Variants in ALDOA observed in about 807,000 individuals in gnomAD.
ALDOA encodes the protein fructose-bisphosphate aldolase A.
In ALDOA, 26 loss-of-function variants were observed where a neutral mutation model predicts 43.9. The ratio of observed to expected loss-of-function variants is 0.59; its 90% confidence interval spans 0.43 to 0.82. ALDOA has a LOEUF of 0.82. ALDOA is among the 40% of genes least tolerant of loss of function. ALDOA has a pLI of 0.00. For missense variants in ALDOA, 498 were observed against 549.5 expected (o/e 0.91, Z 0.94); for synonymous variants, 258 against 222.6 (o/e 1.16, Z -1.42).
At position 30,069,810 on chromosome 16, in the gene ALDOA, G is replaced by T. The variant is rs189723657; in HGVS notation, c.962-20G>T. On this transcript the variant is annotated intron_variant, in intron 8 of 9. Coordinates refer to ENST00000642816, the MANE Select transcript of ALDOA (RefSeq NM_001243177.4). ...TGGGTCTCTGACCACAGCCCCTCTC[G>T]CCTCACCCCTGCTCTACAGGGATCA... 10 of 1,613,918 alleles carry T rather than the reference G, an allele frequency of 6.2e-6. No individual in the cohort carries two copies. Among genetic ancestry groups the T allele is most frequent in the Middle Eastern group, 1.6e-4 (1 of 6,062 alleles).
chr16:30,069,841 C>G lies in ALDOA; in HGVS notation c.973C>G (p.Leu325Val), dbSNP rs111252736. 1 of 1,614,020 alleles carries G rather than the reference C, an allele frequency of 6.2e-7. No homozygotes were observed. Among genetic ancestry groups the G allele is most frequent in the Admixed American group, 1.7e-5 (1 of 59,996 alleles). Residue 325 changes from leucine to valine, a missense_variant, in exon 9 of 10, where the codon CTG (leucine) becomes GTG (valine). Transcript: ENST00000642816. ...CCCCTGCTCTACAGGGATCACCTTC[C>G]TGTCTGGAGGCCAGAGTGAGGAGGA... ...VPPAVTGITF[L>V]SGGQSEEEAS...
chr16:30,067,007 G>A lies in ALDOA; in HGVS notation c.110G>A (p.Gly37Asp). 1 of 1,569,216 alleles carries A rather than the reference G, an allele frequency of 6.4e-7. No homozygotes were observed. Among genetic ancestry groups the A allele is most frequent in the South Asian group, 1.2e-5 (1 of 85,346 alleles). ...VASGQLHPQL[G>D]NTQHQTELGK... ...AGTGGGCAACTCCACCCTCAGCTGGGCAACACCCAGCACCAGACAGAGTTA... is the reference window on the plus strand; with the variant it reads ...AGTGGGCAACTCCACCCTCAGCTGGACAACACCCAGCACCAGACAGAGTTA... Residue 37 changes from glycine to aspartate, a missense_variant, in exon 2 of 10, where the codon GGC (glycine) becomes GAC (aspartate). Physicochemically the swap from Gly to Asp is moderately conservative, Grantham distance 94. Transcript: ENST00000642816.
Position 30,069,593 on chromosome 16 carries a change from G to T in ALDOA, c.881G>T (p.Cys294Phe). The T allele has an allele frequency of 6.2e-7, 1 of 1,614,110 alleles. No individual in the cohort carries two copies. Among genetic ancestry groups the T allele is most frequent in the Non-Finnish European group, 8.5e-7 (1 of 1,180,040 alleles). Residue 294 changes from cysteine to phenylalanine, a missense_variant, in exon 8 of 10, where the codon TGC becomes TTC. By Grantham distance (205) the Cys-to-Phe change is radical. Coordinates refer to ENST00000642816, the MANE Select transcript of ALDOA (RefSeq NM_001243177.4). ...KPNMVTPGHA[C>F]TQKFSHEEIA... The stretch of plus-strand genomic sequence containing the variant: ...AACATGGTCACCCCAGGCCATGCTT[G>T]CACTCAGAAGTTTTCTCATGAGGAG...
rs1803085 is a variant in ALDOA, at chr16:30,070,299, G to T, written c.*87G>T. 6 of 1,372,454 alleles carry T rather than the reference G, an allele frequency of 4.4e-6. No individual in the cohort carries two copies. The highest frequency in any genetic ancestry group is 6.2e-6 in the Non-Finnish European group (6 of 965,108). The allele number at this position is 1,372,454 out of a possible 1,614,324, so 85.0% of individuals were successfully genotyped here. A position where few individuals can be genotyped will look rare whatever the true frequency, so the allele number is the denominator to read the frequency against. On this transcript the variant is annotated 3_prime_UTR_variant, in exon 10 of 10. Coordinates refer to ENST00000642816, the MANE Select transcript of ALDOA (RefSeq NM_001243177.4). ...GGAGGCCGCCTCCTCGGGGCTCCAGGCTGGCTTGCCCGCGCTCTTTCTTCC... is the reference window on the plus strand; with the variant it reads ...GGAGGCCGCCTCCTCGGGGCTCCAGTCTGGCTTGCCCGCGCTCTTTCTTCC...
chr16:30,066,514 ACCGCTTT>A (rs1317494059), intron 1 of ALDOA, among the ~76,000 whole-genome samples: 1 of 152,198 alleles, frequency 6.6e-6, no homozygotes, highest in Non-Finnish European at 1.5e-5. Flanking sequence ...GGCAAAGCTT[ACCGCTTT>A]CCTCGCCTCG....
At position 30,068,679 on chromosome 16, in the gene ALDOA, A is replaced by G. The variant is rs775705038; in HGVS notation, c.520A>G (p.Asn174Asp). Residue 174 changes from asparagine (N) to aspartate (D), a missense_variant, in exon 5 of 10, where the codon AAT (asparagine) becomes GAT (aspartate). Physicochemically the swap from Asn to Asp is conservative, Grantham distance 23 (BLOSUM62 1). Transcript: ENST00000642816. ...DKGVVPLAGT[N>D]GETTTQGLDG... ...GGGCGTGGTCCCCCTGGCAGGGACA[A>G]ATGGCGAGACTACCACCCAAGGTGA... 26 of 1,614,206 alleles carry G rather than the reference A, an allele frequency of 1.6e-5. No homozygotes were observed. Among genetic ancestry groups the G allele is most frequent in the Middle Eastern group, 1.6e-4 (1 of 6,062 alleles).
chr16:30,064,714 T>TAACC, upstream of ALDOA: 1 of 344,972 alleles, frequency 2.9e-6, no homozygotes, highest in Non-Finnish European at 5.2e-6. Flanking sequence ...AGCTGCCTTA[T>TAACC]AACCAGCCCG....
chr16:30,068,569 C>T, intron 4 of ALDOA, 77 bp from the exon 5 acceptor site: 4 of 1,518,464 alleles, frequency 2.6e-6, no homozygotes, highest in Non-Finnish European at 2.7e-6. Context: ...CACCACTGTA[C>T]TCCAGCCGGG....
intron 4 of ALDOA, 155 bp downstream of exon 4, chr16:30,067,816 C>T: frequency 1.2e-6 from 1 of 823,130 alleles, no homozygotes; most frequent in South Asian, 1.5e-5. Flanking sequence ...TTTTAATCCT[C>T]ACAATTCTGA....
chr16:30,066,525 C>T (rs2072111023), intron 1 of ALDOA, among the ~76,000 whole-genome samples: 2 of 152,228 alleles, frequency 1.3e-5, no homozygotes, highest in African/African-American at 2.4e-5. Flanking sequence ...CCGCTTTCCT[C>T]GCCTCGGGCT....
chr16:30,064,714 T>TA, upstream of ALDOA: 1 of 344,972 alleles, frequency 2.9e-6, no homozygotes, highest in Non-Finnish European at 5.2e-6. Context: ...AGCTGCCTTA[T>TA]AACCAGCCCG....
intron 7 of ALDOA, 48 bp downstream of exon 7, chr16:30,069,437 C>G (rs1254990426): frequency 6.2e-7 from 1 of 1,613,964 alleles, no homozygotes. Context: ...GCCGGGGACC[C>G]TGGGGCTAAC....
chr16:30,068,540 C>A (rs751349176), intron 4 of ALDOA, 106 bp from the exon 5 acceptor site: 11 of 1,294,788 alleles, frequency 8.5e-6, no homozygotes, highest in Non-Finnish European at 1.0e-5. Context: ...GAAGTGGAGG[C>A]TTCAGTGAGC....
At chr16:30,065,509 G>C (rs1329736134), upstream of ALDOA, among the ~76,000 whole-genome samples, 1 of 152,204 alleles carries the variant, frequency 6.6e-6, no homozygotes, top group Non-Finnish European at 1.5e-5. Flanking sequence ...CGCCAGGCTG[G>C]GGGAAAGGAG....
In ALDOA at chr16:30,069,294, C is replaced by T. The variant is rs745528292; in HGVS notation, c.703-12C>T. On this transcript the variant is annotated splice_polypyrimidine_tract_variant and intron_variant, in intron 6 of 9. Coordinates refer to ENST00000642816, the MANE Select transcript of ALDOA (RefSeq NM_001243177.4). The stretch of plus-strand genomic sequence containing the variant: ...AGGAGGCCTCACAGTGACCCTGTCC[C>T]TCGCCCTGCAGAATGGCATTGTGCC... 125 of 1,613,994 alleles carry T rather than the reference C, an allele frequency of 7.7e-5. No homozygotes were observed. The highest frequency in any genetic ancestry group is 1.0e-4 in the Non-Finnish European group (121 of 1,179,996).
upstream of ALDOA, among the ~76,000 whole-genome samples, chr16:30,065,458 C>G (rs934083779): frequency 2.0e-5 from 3 of 152,360 alleles, no homozygotes; most frequent in South Asian, 6.2e-4. Flanking sequence ...CCGCCCTCCC[C>G]CATTGCCAAC....
At position 30,067,317 on chromosome 16, in the gene ALDOA, C is replaced by T. The variant is rs11553110; in HGVS notation, c.225C>T (p.His75=). The change falls in exon 3 of 10, where the codon CAC becomes CAT. Residue 75 remains histidine, a synonymous_variant. Coordinates refer to ENST00000642816, the MANE Select transcript of ALDOA (RefSeq NM_001243177.4). ...EQKKELSDIA[H]RIVAPGKGIL... is the part of the protein sequence containing the mutation. The stretch of plus-strand genomic sequence containing the variant: ...AGAAGGAGCTGTCTGACATCGCTCA[C>T]CGCATCGTGGCACCTGGCAAGGGCA... 3.1e-6 allele frequency: 5 copies of T among 1,613,436 alleles called. No individual in the cohort carries two copies. Among genetic ancestry groups the T allele is most frequent in the Non-Finnish European group, 4.2e-6 (5 of 1,180,036 alleles).
intron 1 of ALDOA, 56 bp from the exon 2 acceptor site, chr16:30,066,829 C>G: frequency 6.6e-7 from 1 of 1,515,438 alleles, no homozygotes. Flanking sequence ...GTTGGGCCCT[C>G]TGCTTGATTC....
At chr16:30,069,160 G>A in intron 6 of ALDOA, 146 bp from the exon 7 acceptor site, 1 of 1,325,114 alleles carries the variant, frequency 7.5e-7, no homozygotes, top group East Asian at 2.5e-5. Context: ...TGGATCTGAG[G>A]CGGCTCTTGT....
Sources: allele counts gnomAD v4.1 joint callset (sites outside exome capture counted in the v4.1 genomes callset), GRCh38; gene constraint gnomAD v4.1.1; transcripts MANE v1.5; gene names NCBI Gene and HGNC (gene_info 2026-07-23, HGNC 2026-07-21).